The following FAM171B variants were observed in gnomAD, a reference collection of about 807,000 sequenced individuals.
FAM171B encodes family with sequence similarity 171 member B.
A neutral mutation model predicts 75.6 loss-of-function variants in FAM171B; 19 were observed. That is an observed-to-expected ratio of 0.25 (90% confidence interval 0.18 to 0.37). The LOEUF (loss-of-function observed/expected upper bound fraction) is 0.37. FAM171B is among the 10% of genes least tolerant of loss of function. The probability of loss-of-function intolerance (pLI) is 1.00; values close to 1 mark genes in which losing one functional copy is unlikely to be tolerated. For missense variants in FAM171B, 848 were observed against 982.4 expected (o/e 0.86, Z 1.83); for synonymous variants, 367 against 361.7 (o/e 1.01, Z -0.17).
Position 186,754,185 on chromosome 2 carries a change from G to A in FAM171B, c.1012+136G>A, listed in dbSNP as rs1054668517. The A allele has an allele frequency of 1.1e-5, 7 of 612,736 alleles. No individual in the cohort carries two copies. The African/African-American group carries it at 1.3e-4, about 12-fold the overall frequency. 38.0% of individuals were successfully genotyped at this position (612,736 alleles called of 1,614,324 possible). On this transcript the variant is annotated intron_variant, in intron 6 of 7. Transcript: ENST00000304698. ...ACAATGGGAAAGGAACTTGATCTCA[G>A]CTTATTTTTTTTTCATGTGTATCAG...
intron 1 of FAM171B, among the ~76,000 whole-genome samples, chr2:186,719,806 ATT>A (rs1248445925): frequency 6.6e-5 from 10 of 152,186 alleles, no homozygotes; most frequent in Non-Finnish European, 1.3e-4. Context: ...TTGACCTATT[ATT>A]TCTCCTCCCC....
rs533573757 is a variant in FAM171B at position 186,745,456 on chromosome 2, C to G, written c.566-1636C>G. ...ATTTGTCTGGAAAGTACTGGCCATG[C>G]CTTGGCAGGTTTCCGTGAGAACACT... On this transcript the variant is annotated intron_variant, in intron 3 of 7. Coordinates refer to ENST00000304698, the MANE Select transcript of FAM171B (RefSeq NM_177454.4). 2.6e-5 allele frequency among the ~76,000 whole-genome samples: 4 copies of G among 152,320 alleles called. No individual in the cohort carries two copies. In the South Asian group the frequency reaches 8.3e-4, roughly 32 times the overall value.
chr2:186,755,101 G>A (rs1559093151), intron 6 of FAM171B, among the ~76,000 whole-genome samples: 2 of 152,120 alleles, frequency 1.3e-5, no homozygotes, highest in African/African-American at 4.8e-5. Context: ...TTGATCTCAA[G>A]TTGTGTACAT....
rs1238013473 is a variant in FAM171B at position 186,763,932 on chromosome 2, G to A, written c.*1109G>A. 1.3e-5 allele frequency: 2 copies of A among 151,960 alleles called. No homozygotes were observed. Among genetic ancestry groups the A allele is most frequent in the African/African-American group, 4.8e-5 (2 of 41,412 alleles). The allele number at this position is 151,960 out of a possible 1,614,324, so 9.4% of individuals were successfully genotyped here. ...TGTAAGGAAAACAGTTTCAATTTCA[G>A]GGGAAAAGTAAAAGTTTTTCCCTAA... is the stretch of plus-strand genomic sequence containing the variant. On this transcript the variant is annotated 3_prime_UTR_variant, in exon 8 of 8. Coordinates refer to ENST00000304698, the MANE Select transcript of FAM171B (RefSeq NM_177454.4).
At chr2:186,723,536 A>T (rs2105779679) in intron 1 of FAM171B, among the ~76,000 whole-genome samples, 1 of 152,218 alleles carries the variant, frequency 6.6e-6, no homozygotes, top group African/African-American at 2.4e-5. Context: ...TTTTCCAATT[A>T]ATTACTTAAA....
intron 1 of FAM171B, among the ~76,000 whole-genome samples, chr2:186,739,171 T>C (rs1690251024): frequency 6.6e-6 from 1 of 152,192 alleles, no homozygotes; most frequent in Non-Finnish European, 1.5e-5. Context: ...TAAAGGGCAC[T>C]TACCATGCAT....
intron 2 of FAM171B, among the ~76,000 whole-genome samples, chr2:186,741,928 T>C (rs751096925): frequency 2.0e-5 from 3 of 152,090 alleles, no homozygotes; most frequent in Non-Finnish European, 2.9e-5. Flanking sequence ...TCCAAATCTA[T>C]TGGATTAATG....
intron 1 of FAM171B, among the ~76,000 whole-genome samples, chr2:186,731,354 T>C (rs1462491089): frequency 5.3e-5 from 8 of 152,206 alleles, no homozygotes; most frequent in African/African-American, 1.9e-4. Context: ...AGGGAAGCAC[T>C]AGAAAGCACA....
intron 5 of FAM171B, among the ~76,000 whole-genome samples, chr2:186,753,115 A>G (rs942839105): frequency 6.6e-6 from 1 of 152,236 alleles, no homozygotes; most frequent in African/African-American, 2.4e-5. Context: ...GAGAGTCATG[A>G]TTTTTCTAAG....
chr2:186,761,086 T>G (rs1334073995), intron 6 of FAM171B, 27 bp from the exon 7 acceptor site: 1 of 1,582,344 alleles, frequency 6.3e-7, no homozygotes, highest in Non-Finnish European at 8.6e-7. Context: ...AATAACATTT[T>G]CTCTTTGTTT....
intron 1 of FAM171B, among the ~76,000 whole-genome samples, chr2:186,737,622 A>T (rs1379651933): frequency 6.6e-6 from 1 of 152,230 alleles, no homozygotes; most frequent in African/African-American, 2.4e-5. Context: ...GATTACAGGC[A>T]TGAGCCATCA....
rs1690664882 is a variant in FAM171B at position 186,764,164 on chromosome 2, A to C, written c.*1341A>C. Reference sequence around the variant, plus strand: ...TTCCCTGAAGGCAAATGTCTGAAGCACCTTTCCCTTGTGGGGGTAAAAATC... The same window carrying C: ...TTCCCTGAAGGCAAATGTCTGAAGCCCCTTTCCCTTGTGGGGGTAAAAATC... On this transcript the variant is annotated 3_prime_UTR_variant, in exon 8 of 8. Coordinates refer to ENST00000304698, the MANE Select transcript of FAM171B (RefSeq NM_177454.4). 6.6e-6 allele frequency: 1 copy of C among 152,016 alleles called. No homozygotes were observed. Among genetic ancestry groups the C allele is most frequent in the South Asian group, 2.1e-4 (1 of 4,832 alleles). 9.4% of individuals were successfully genotyped at this position (152,016 alleles called of 1,614,324 possible).
chr2:186,694,224 C>G lies in FAM171B; in HGVS notation c.51C>G (p.Ala17=). The change falls in exon 1 of 8, where the codon GCC becomes GCG. Residue 17 remains alanine, a synonymous_variant. Coordinates refer to ENST00000304698, the MANE Select transcript of FAM171B (RefSeq NM_177454.4). ...RVPCTLLLGL[A]VVLLKARLVP... Reference sequence around the variant, plus strand: ...CCTGCACCCTGCTTCTCGGCCTGGCCGTGGTGCTGCTGAAAGCGCGGCTGG... The same window carrying G: ...CCTGCACCCTGCTTCTCGGCCTGGCGGTGGTGCTGCTGAAAGCGCGGCTGG... 6.2e-7 allele frequency: 1 copy of G among 1,610,460 alleles called. No individual in the cohort carries two copies. The highest frequency in any genetic ancestry group is 8.5e-7 in the Non-Finnish European group (1 of 1,179,814).
At chr2:186,709,971 T>C (rs1689787615) in intron 1 of FAM171B, among the ~76,000 whole-genome samples, 1 of 152,224 alleles carries the variant, frequency 6.6e-6, no homozygotes, top group South Asian at 2.1e-4. Context: ...TTTTTCGGGT[T>C]AGCCTAGAGA....
intron 3 of FAM171B, 71 bp from the exon 4 acceptor site, chr2:186,747,021 G>A (rs2247924): frequency 0.98 from 1,135,332 of 1,153,466 alleles, 559,519 homozygotes; most frequent in Non-Finnish European, 1. Context: ...TTTAAAGTAA[G>A]ACATCCTGAC....
intron 1 of FAM171B, among the ~76,000 whole-genome samples, chr2:186,704,386 C>T (rs1316908490): frequency 2.0e-5 from 3 of 151,982 alleles, no homozygotes; most frequent in Non-Finnish European, 4.4e-5. Flanking sequence ...AATATCTATG[C>T]TTTATAATAA....
At chr2:186,760,653 T>C (rs1158736528) in intron 6 of FAM171B, among the ~76,000 whole-genome samples, 1 of 151,890 alleles carries the variant, frequency 6.6e-6, no homozygotes. Flanking sequence ...TCTTCTGTCA[T>C]ATCCATTGCT....
At chr2:186,715,773 G>C (rs1689866569) in intron 1 of FAM171B, among the ~76,000 whole-genome samples, 1 of 152,144 alleles carries the variant, frequency 6.6e-6, no homozygotes, top group Non-Finnish European at 1.5e-5. Flanking sequence ...TCTCTAGATA[G>C]AGGTGTAGCT....
In FAM171B at chr2:186,761,169, A is replaced by G; in HGVS notation, c.1069A>G (p.Thr357Ala). 1 of 1,612,666 alleles carries G rather than the reference A, an allele frequency of 6.2e-7. No individual in the cohort carries two copies. Among genetic ancestry groups the G allele is most frequent in the Non-Finnish European group, 8.5e-7 (1 of 1,179,166 alleles). Residue 357 changes from threonine to alanine, a missense_variant, in exon 7 of 8, where the codon ACA becomes GCA. Physicochemically the swap from Thr to Ala is moderately conservative, Grantham distance 58 (BLOSUM62 0). Around this residue, in one of 3 missense-constraint regions of FAM171B, gnomAD observed 665 missense variants for 729.0 expected, o/e 0.91. Transcript: ENST00000304698. ...DITAYHTVFL[T>A]AILGGTIVIV... is the part of the protein sequence containing the mutation. ...AACTGCCTACCACACAGTGTTTCTT[A>G]CAGCCATATTAGGAGGAACAATAGT...
Sources: gnomAD v4.1 joint callset for allele counts (sites outside exome capture counted in the v4.1 genomes callset) on GRCh38, gnomAD v4.1.1 for gene constraint, gnomAD v4.1.1 regional missense constraint, MANE v1.5 for transcripts, NCBI Gene and HGNC (gene_info 2026-07-23, HGNC 2026-07-21) for gene names.